HMGCLL1: variants seen among roughly 807,000 people sequenced by gnomAD.
HMGCLL1 encodes the protein 3-hydroxymethyl-3-methylglutaryl-CoA lyase, cytoplasmic.
In HMGCLL1, 36 loss-of-function variants were observed where a neutral mutation model predicts 39.1. The ratio of observed to expected loss-of-function variants is 0.92; its 90% CI spans 0.71 to 1.22. HMGCLL1 has a LOEUF of 1.22. Ranked by LOEUF, HMGCLL1 falls within the 50% of genes most tolerant of loss-of-function variation. The probability of loss-of-function intolerance (pLI) is 0.00; values close to 1 mark genes in which losing one functional copy is unlikely to be tolerated. For missense variants in HMGCLL1, 451 were observed against 416.5 expected, an observed-to-expected ratio of 1.08 and a Z score of -0.72; for synonymous variants, 149 against 144.0, an observed-to-expected ratio of 1.03 and a Z score of -0.25.
intron 1 of HMGCLL1, among the ~76,000 whole-genome samples, chr6:55,556,603 T>G (rs895130788): frequency 1.3e-5 from 2 of 151,958 alleles, no homozygotes; most frequent in African/African-American, 4.8e-5. Flanking sequence ...CACTAGAGAG[T>G]GGGCTCGGGA....
At chr6:55,550,371 T>C (rs542377004) in intron 1 of HMGCLL1, among the ~76,000 whole-genome samples, 2 of 152,004 alleles carry the variant, frequency 1.3e-5, no homozygotes, top group South Asian at 4.1e-4. Context: ...TTATCCAAGG[T>C]CATGCCCCCA....
chr6:55,503,505 T>C (rs987308279), intron 5 of HMGCLL1, among the ~76,000 whole-genome samples: 1 of 150,496 alleles, frequency 6.6e-6, no homozygotes, highest in South Asian at 2.1e-4. Context: ...CTAGGTGATA[T>C]GTTTTAAAAG....
At chr6:55,632,603 C>T in the HMGCLL1 span, among the ~76,000 whole-genome samples, 26 of 151,758 alleles carry the variant, frequency 1.7e-4, no homozygotes, top group Middle Eastern at 3.2e-3. Flanking sequence ...ATACAACTTA[C>T]ATCAGTTTAA....
At chr6:55,467,150 G>A (rs1282137910) in intron 7 of HMGCLL1, among the ~76,000 whole-genome samples, 3 of 151,896 alleles carry the variant, frequency 2.0e-5, no homozygotes, top group Non-Finnish European at 2.9e-5. Context: ...TCAACTCAAG[G>A]CATTGCTTCT....
the HMGCLL1 span, among the ~76,000 whole-genome samples, chr6:55,587,970 G>C: frequency 4.0e-5 from 6 of 151,830 alleles, no homozygotes; most frequent in South Asian, 2.1e-4. Context: ...CTTTAACACC[G>C]CACTGTCAAC....
At chr6:55,490,789 A>G (rs1398147769) in intron 7 of HMGCLL1, among the ~76,000 whole-genome samples, 3 of 150,302 alleles carry the variant, frequency 2.0e-5, no homozygotes, top group Non-Finnish European at 4.4e-5. Flanking sequence ...CCCTAAAGAC[A>G]AAATCTAATT....
chr6:55,546,182 C>A (rs1411019443), intron 1 of HMGCLL1, among the ~76,000 whole-genome samples: 1 of 152,072 alleles, frequency 6.6e-6, no homozygotes, highest in Non-Finnish European at 1.5e-5. Flanking sequence ...TTATTAACTC[C>A]ATTAATATCC....
At chr6:55,671,677 TTAGGTACC>T in the HMGCLL1 span, among the ~76,000 whole-genome samples, 2 of 151,672 alleles carry the variant, frequency 1.3e-5, no homozygotes, top group African/African-American at 4.8e-5. Flanking sequence ...CTACGTGGAG[TTAGGTACC>T]TGGGAAACCA....
chr6:55,619,207 A>G, the HMGCLL1 span, among the ~76,000 whole-genome samples: 17 of 152,106 alleles, frequency 1.1e-4, no homozygotes, highest in Non-Finnish European at 2.2e-4. Context: ...GGCATGAAAA[A>G]GAACTTTCAT....
chr6:55,445,934 A>T (rs1236639359), intron 7 of HMGCLL1, among the ~76,000 whole-genome samples: 1 of 152,056 alleles, frequency 6.6e-6, no homozygotes, highest in African/African-American at 2.4e-5. Flanking sequence ...TTATCAAACA[A>T]ACGGGTTTTC....
At chr6:55,531,635 G>A (rs1430889397) in intron 3 of HMGCLL1, among the ~76,000 whole-genome samples, 1 of 152,122 alleles carries the variant, frequency 6.6e-6, no homozygotes, top group Admixed American at 6.5e-5. Context: ...GTCTGTGGCT[G>A]GTTAGGAATG....
the HMGCLL1 span, among the ~76,000 whole-genome samples, chr6:55,619,548 C>CA: frequency 0.014 from 2,138 of 151,182 alleles, 41 homozygotes; most frequent in African/African-American, 0.049. Context: ...ACTTATTTTC[C>CA]AAAAAAAATT....
At chr6:55,661,025 G>A in the HMGCLL1 span, among the ~76,000 whole-genome samples, 1 of 151,620 alleles carries the variant, frequency 6.6e-6, no homozygotes, top group Non-Finnish European at 1.5e-5. Context: ...TTTTGAAAAG[G>A]GTCTGTTTAT....
At chr6:55,540,854 C>A (rs1581920485) in intron 3 of HMGCLL1, among the ~76,000 whole-genome samples, 1 of 151,832 alleles carries the variant, frequency 6.6e-6, no homozygotes, top group East Asian at 1.9e-4. Flanking sequence ...GGAAAGACAG[C>A]CAAAGAAGAG....
At chr6:55,594,594 T>C in the HMGCLL1 span, among the ~76,000 whole-genome samples, 2 of 152,208 alleles carry the variant, frequency 1.3e-5, no homozygotes, top group Non-Finnish European at 2.9e-5. Flanking sequence ...CATTTCCAGA[T>C]GCAACATATC....
rs527776254 is a variant in HMGCLL1, at chr6:55,570,788, G to A, written c.108+8160C>T. 2.0e-5 allele frequency among the ~76,000 whole-genome samples: 3 copies of A among 152,262 alleles called. No homozygotes were observed. In the South Asian group the frequency reaches 6.2e-4, roughly 32 times the overall value. On this transcript the variant is annotated intron_variant, in intron 1 of 8. Transcript: ENST00000274901. ...GTCTGTGACCACAAATACTATATTA[G>A]TCCATGTTCACGCTGCTGATAAAGG...
chr6:55,648,006 G>T, the HMGCLL1 span, among the ~76,000 whole-genome samples: 4 of 120,384 alleles, frequency 3.3e-5, no homozygotes, highest in Non-Finnish European at 6.7e-5. Flanking sequence ...ACCTATGAGT[G>T]AGAATATGCG....
the HMGCLL1 span, among the ~76,000 whole-genome samples, chr6:55,607,988 AT>A: frequency 3.3e-5 from 5 of 152,228 alleles, no homozygotes; most frequent in Non-Finnish European, 7.3e-5. Flanking sequence ...ATGAAAAAAA[AT>A]AAATACTTCT....
At chr6:55,649,286 T>C in the HMGCLL1 span, among the ~76,000 whole-genome samples, 1 of 152,080 alleles carries the variant, frequency 6.6e-6, no homozygotes, top group East Asian at 1.9e-4. Flanking sequence ...AATGAATTCC[T>C]GAGCTTTTGT....
Sources: gnomAD v4.1 joint callset for allele counts (sites outside exome capture counted in the v4.1 genomes callset) on GRCh38, gnomAD v4.1.1 for gene constraint, MANE v1.5 for transcripts, NCBI Gene and HGNC (gene_info 2026-07-23, HGNC 2026-07-21) for gene names.